HEXIM2: variants seen among roughly 807,000 people sequenced by gnomAD.
HEXIM2 encodes HEXIM P-TEFb complex subunit 2.
For synonymous variants in HEXIM2, 159 were observed against 162.7 expected (o/e 0.98, Z 0.17); for missense variants, 413 against 390.8 (o/e 1.06, Z -0.48).
At chr17:45,162,380 T>A (rs1435046835) in intron 1 of HEXIM2, 108 bp from the exon 2 acceptor site, 2 of 853,632 alleles carry the variant, frequency 2.3e-6, no homozygotes, top group Non-Finnish European at 2.9e-6. Context: ...GCAGCCCCGC[T>A]GCACTCCCAG....
chr17:45,161,469 G>T (rs896346894), upstream of HEXIM2: 1 of 163,064 alleles, frequency 6.1e-6, no homozygotes, highest in African/African-American at 2.4e-5. Flanking sequence ...ACTGCGCAGC[G>T]AGTCCCTCCG....
Position 45,169,280 on chromosome 17 carries a change from C to T in HEXIM2, c.332C>T (p.Ala111Val). 1 of 1,613,786 alleles carries T rather than the reference C, an allele frequency of 6.2e-7. No homozygotes were observed. Among genetic ancestry groups the T allele is most frequent in the Non-Finnish European group, 8.5e-7 (1 of 1,180,014 alleles). ...HWRPYLELSW[A>V]EKQQRDERQS... is the part of the protein sequence containing the mutation. ...CGACCCTACCTGGAGCTGAGCTGGG[C>T]TGAGAAACAACAGCGGGATGAGAGG... The change falls in exon 4 of 4, where the codon GCT becomes GTT. Residue 111 changes from alanine (A) to valine (V), a missense_variant. Physicochemically the swap from Ala to Val is moderately conservative, Grantham distance 64. Coordinates refer to ENST00000589230, the MANE Select transcript of HEXIM2 (RefSeq NM_001303441.2).
chr17:45,162,714 C>T (rs16939893), intron 2 of HEXIM2, 36 bp from the exon 3 acceptor site: 40,693 of 1,608,994 alleles, frequency 0.025, 2,882 homozygotes, highest in East Asian at 0.25. Flanking sequence ...CCTGACGTTC[C>T]TTCAGGATTT....
upstream of HEXIM2, chr17:45,161,756 C>G (rs1244604481): frequency 1.5e-5 from 13 of 881,172 alleles, no homozygotes; most frequent in Non-Finnish European, 1.8e-5. Context: ...GCGGTCTGCC[C>G]CCGCGCAAGG....
upstream of HEXIM2, chr17:45,160,753 G>C: frequency 2.3e-6 from 1 of 441,818 alleles, no homozygotes. Context: ...AGGTTGTCCG[G>C]AGAATCGGGG....
chr17:45,167,758 C>A (rs1476572077), intron 3 of HEXIM2, among the ~76,000 whole-genome samples: 2 of 152,064 alleles, frequency 1.3e-5, no homozygotes, highest in Non-Finnish European at 2.9e-5. Context: ...TCACACCCAG[C>A]TAATTTTTTT....
intron 3 of HEXIM2, among the ~76,000 whole-genome samples, chr17:45,166,737 A>G (rs1240072721): frequency 1.3e-5 from 2 of 152,072 alleles, no homozygotes; most frequent in African/African-American, 2.4e-5. Flanking sequence ...AAGATGAAAA[A>G]AGGTAGCTGG....
rs1227536985 is a variant in HEXIM2 at position 45,162,567 on chromosome 17, C to A, written c.-113C>A. The stretch of plus-strand genomic sequence containing the variant: ...AGACGGCCCCTGAATCCCATTTGGC[C>A]CCTTGCTGGCTGGAGGTGTGAAAAC... On this transcript the variant is annotated 5_prime_UTR_variant, in exon 2 of 4. Transcript: ENST00000589230. 7.2e-7 allele frequency: 1 copy of A among 1,388,778 alleles called. No homozygotes were observed. The highest frequency in any genetic ancestry group is 9.3e-7 in the Non-Finnish European group (1 of 1,071,036). 86.0% of individuals were successfully genotyped at this position (1,388,778 alleles called of 1,614,324 possible).
chr17:45,162,158 T>C, intron 1 of HEXIM2, 127 bp downstream of exon 1: 1 of 366,138 alleles, frequency 2.7e-6, no homozygotes, highest in Non-Finnish European at 3.8e-6. Flanking sequence ...CCTTTTCTCC[T>C]GTTTCCCTTT....
At chr17:45,167,534 G>T (rs371435765) in intron 3 of HEXIM2, among the ~76,000 whole-genome samples, 1 of 152,082 alleles carries the variant, frequency 6.6e-6, no homozygotes, top group African/African-American at 2.4e-5. Context: ...GGAGTTTGAG[G>T]CTGCAGGGAG....
chr17:45,169,471 G>A lies in HEXIM2; in HGVS notation c.523G>A (p.Ala175Thr), dbSNP rs1455389960. 2 of 1,613,770 alleles carry A rather than the reference G, an allele frequency of 1.2e-6. No individual in the cohort carries two copies. Among genetic ancestry groups the A allele is most frequent in the African/African-American group, 2.7e-5 (2 of 75,030 alleles). The change falls in exon 4 of 4, where the codon GCC (alanine) becomes ACC (threonine). Residue 175 changes from alanine to threonine, a missense_variant. Transcript: ENST00000589230. ...CCCAGGTTCCAGTGGGGAGAGTGAG[G>A]CCGGGGACAGTGATGGGCGGGGCCG... Reference protein sequence around the residue: ...SHPGSSGESEAGDSDGRGRAH... With the variant: ...SHPGSSGESETGDSDGRGRAH...
chr17:45,164,319 G>A (rs2042781831), intron 3 of HEXIM2, among the ~76,000 whole-genome samples: 1 of 152,162 alleles, frequency 6.6e-6, no homozygotes, highest in South Asian at 2.1e-4. Flanking sequence ...GCCAGGCGTG[G>A]TGGCACATTT....
Position 45,169,259 on chromosome 17 carries a change from C to G in HEXIM2, c.311C>G (p.Pro104Arg). The G allele has an allele frequency of 1.9e-6, 3 of 1,613,788 alleles. No homozygotes were observed. The highest frequency in any genetic ancestry group is 2.5e-6 in the Non-Finnish European group (3 of 1,180,030). ...TCGAAGCGCAAAAGGCACTGGCGACCCTACCTGGAGCTGAGCTGGGCTGAG... is the reference window on the plus strand; with the variant it reads ...TCGAAGCGCAAAAGGCACTGGCGACGCTACCTGGAGCTGAGCTGGGCTGAG... ...RPSKRKRHWR[P>R]YLELSWAEKQ... is the part of the protein sequence containing the mutation. The change falls in exon 4 of 4, where the codon CCC becomes CGC. Residue 104 changes from proline (P) to arginine (R), a missense_variant. Pro to Arg is a moderately radical substitution (Grantham distance 103). Transcript: ENST00000589230.
At position 45,162,784 on chromosome 17, in the gene HEXIM2, G is replaced by A. The variant is rs750382449; in HGVS notation, c.-10G>A. On this transcript the variant is annotated 5_prime_UTR_variant, in exon 3 of 4. Transcript: ENST00000589230. ...GTTCCAGGCGTCTGCTGAAAGATTT[G>A]GAACAGAAGATGATGGCCACTCCGA... 3 of 1,613,986 alleles carry A rather than the reference G, an allele frequency of 1.9e-6. No homozygotes were observed. In the South Asian group the frequency reaches 3.3e-5, roughly 18 times the overall value.
upstream of HEXIM2, chr17:45,161,253 T>G (rs980629878): frequency 2.8e-6 from 1 of 351,150 alleles, no homozygotes; most frequent in Non-Finnish European, 5.7e-6. Context: ...CACGCGGTAA[T>G]TACCGAAGAA....
chr17:45,169,940 A>T lies in HEXIM2; in HGVS notation c.*131A>T. The T allele has an allele frequency of 1.4e-6, 1 of 692,258 alleles. No homozygotes were observed. Among genetic ancestry groups the T allele is most frequent in the Middle Eastern group, 4.1e-4 (1 of 2,422 alleles). 42.9% of individuals were successfully genotyped at this position (692,258 alleles called of 1,614,324 possible). A position where few individuals can be genotyped will look rare whatever the true frequency, so the allele number is the denominator to read the frequency against. On this transcript the variant is annotated 3_prime_UTR_variant, in exon 4 of 4. Coordinates refer to ENST00000589230, the MANE Select transcript of HEXIM2 (RefSeq NM_001303441.2). ...ACCCTGTGCGCCCTGAGAACAGCTA[A>T]ATCGGTTCAGACTCCCACCTCACCG...
chr17:45,168,045 G>A (rs999667588), intron 3 of HEXIM2, among the ~76,000 whole-genome samples: 5 of 149,710 alleles, frequency 3.3e-5, no homozygotes, highest in Admixed American at 2.0e-4. Context: ...CACCACGCCC[G>A]GCTTATTTTT....
At chr17:45,160,988 G>A, upstream of HEXIM2, 1 of 1,283,450 alleles carries the variant, frequency 7.8e-7, no homozygotes, top group Non-Finnish European at 1.0e-6. Flanking sequence ...GCCTCCAGCT[G>A]ACTGCCACGC....
chr17:45,162,917 A>G, intron 3 of HEXIM2, 58 bp downstream of exon 3: 1 of 1,151,446 alleles, frequency 8.7e-7, no homozygotes, highest in Non-Finnish European at 1.3e-6. Context: ...CACAGCTGAG[A>G]TCCAAACTTC....
Sources: allele counts gnomAD v4.1 joint callset (sites outside exome capture counted in the v4.1 genomes callset), GRCh38; gene constraint gnomAD v4.1.1; transcripts MANE v1.5; gene names NCBI Gene and HGNC (gene_info 2026-07-23, HGNC 2026-07-21).